CSMD1: variants seen among roughly 807,000 people sequenced by gnomAD.
CSMD1 encodes CUB and sushi domain-containing protein 1.
A neutral mutation model predicts 417.5 loss-of-function variants in CSMD1; 213 were observed. The observed-to-expected ratio is 0.51, with a 90% confidence interval of 0.46 to 0.57. CSMD1 has a LOEUF of 0.57. CSMD1 is among the 20% of genes least tolerant of loss of function. The pLI, the probability that CSMD1 is intolerant of heterozygous loss-of-function variation, is 0.00. For missense variants in CSMD1, 6,923 were observed against 4,529.7 expected (o/e 1.53, Z -15.17); for synonymous variants, 2,862 against 1,736.8 (o/e 1.65, Z -16.11).
At chr8:4,224,963 T>A (rs1032943224) in intron 3 of CSMD1, among the ~76,000 whole-genome samples, 6 of 152,056 alleles carry the variant, frequency 3.9e-5, no homozygotes, top group Admixed American at 2.0e-4. Flanking sequence ...TTAAAAAAAA[T>A]TAGTTGGGCG....
chr8:3,506,051 A>G (rs1468011015), intron 10 of CSMD1, among the ~76,000 whole-genome samples: 1 of 152,188 alleles, frequency 6.6e-6, no homozygotes, highest in Non-Finnish European at 1.5e-5. Flanking sequence ...AGAAAGGGCA[A>G]CCAAGTTCCT....
intron 3 of CSMD1, among the ~76,000 whole-genome samples, chr8:4,383,534 G>C (rs1489570797): frequency 6.6e-6 from 1 of 152,160 alleles, no homozygotes; most frequent in Non-Finnish European, 1.5e-5. Context: ...ATTGCAGACA[G>C]GTTGTGGTAC....
intron 5 of CSMD1, among the ~76,000 whole-genome samples, chr8:3,825,794 C>T (rs964820560): frequency 1.3e-5 from 2 of 152,098 alleles, no homozygotes; most frequent in African/African-American, 2.4e-5. Context: ...AGGCTTAGTC[C>T]AGATGATATG....
chr8:3,387,722 T>A lies in CSMD1; in HGVS notation c.2594-40A>T, dbSNP rs537272650. The A allele has an allele frequency of 1.3e-5, 20 of 1,518,774 alleles. No homozygotes were observed. The South Asian group carries it at 2.4e-4, about 19-fold the overall frequency. 94.1% of individuals were successfully genotyped at this position (1,518,774 alleles called of 1,614,324 possible). A position where few individuals can be genotyped will look rare whatever the true frequency, so the allele number is the denominator to read the frequency against. On this transcript the variant is annotated intron_variant, in intron 17 of 69. Coordinates refer to ENST00000635120, the MANE Select transcript of CSMD1 (RefSeq NM_033225.6). The stretch of plus-strand genomic sequence containing the variant: ...CGAATGCAGTCGATGAGGATCTTTC[T>A]GGTTGATTGAAAATAATAGAGACCC...
At chr8:2,939,963 C>G (rs1801752530) in intron 69 of CSMD1, among the ~76,000 whole-genome samples, 1 of 152,134 alleles carries the variant, frequency 6.6e-6, no homozygotes, top group South Asian at 2.1e-4. Context: ...CTGGCTGCAG[C>G]TGGATGCTGA....
intron 3 of CSMD1, among the ~76,000 whole-genome samples, chr8:4,242,149 C>T (rs1802442104): frequency 6.6e-6 from 1 of 152,108 alleles, no homozygotes; most frequent in South Asian, 2.1e-4. Flanking sequence ...AGCATATATC[C>T]ACCAAATTAG....
At chr8:4,638,574 G>A (rs1488551338) in intron 1 of CSMD1, among the ~76,000 whole-genome samples, 1 of 152,178 alleles carries the variant, frequency 6.6e-6, no homozygotes, top group Non-Finnish European at 1.5e-5. Context: ...GGAGCAGAAA[G>A]GAAGGTGTAC....
At chr8:4,210,486 T>C (rs947697505) in intron 3 of CSMD1, among the ~76,000 whole-genome samples, 1 of 152,188 alleles carries the variant, frequency 6.6e-6, no homozygotes, top group African/African-American at 2.4e-5. Flanking sequence ...CAGACAATAA[T>C]TCAGGAAAAT....
intron 1 of CSMD1, among the ~76,000 whole-genome samples, chr8:4,945,178 A>G (rs1808285625): frequency 6.6e-6 from 1 of 152,174 alleles, no homozygotes; most frequent in African/African-American, 2.4e-5. Flanking sequence ...TCCCAAATAC[A>G]TGAGGTTTGT....
intron 26 of CSMD1, among the ~76,000 whole-genome samples, chr8:3,283,496 A>T (rs781391750): frequency 9.2e-5 from 14 of 151,932 alleles, no homozygotes; most frequent in Admixed American, 8.5e-4. Context: ...TATAATGAAA[A>T]GAATTCCCTA....
chr8:4,263,555 T>A (rs1804033155), intron 3 of CSMD1, among the ~76,000 whole-genome samples: 1 of 152,168 alleles, frequency 6.6e-6, no homozygotes, highest in Admixed American at 6.5e-5. Flanking sequence ...ATGTCTTTCT[T>A]GGAAAGTCAT....
At chr8:3,522,981 T>A (rs994380327) in intron 10 of CSMD1, among the ~76,000 whole-genome samples, 12 of 148,814 alleles carry the variant, frequency 8.1e-5, no homozygotes. Context: ...CTATTTTATA[T>A]ACATACAAAA....
chr8:4,928,217 T>A (rs985581494), intron 1 of CSMD1, among the ~76,000 whole-genome samples: 22 of 152,268 alleles, frequency 1.4e-4, no homozygotes, highest in African/African-American at 4.8e-4. Flanking sequence ...CTGACCAGCA[T>A]GTCTTGCTCT....
chr8:4,594,984 G>T (rs1413267618), intron 2 of CSMD1, among the ~76,000 whole-genome samples: 1 of 152,178 alleles, frequency 6.6e-6, no homozygotes, highest in East Asian at 1.9e-4. Context: ...AAAGAAATGA[G>T]ATAAAACTAA....
intron 21 of CSMD1, among the ~76,000 whole-genome samples, chr8:3,356,230 G>T (rs556358100): frequency 1.3e-4 from 20 of 152,206 alleles, no homozygotes; most frequent in Admixed American, 3.9e-4. Context: ...TAATTTTAGA[G>T]AAAGGAACAT....
intron 5 of CSMD1, 55 bp downstream of exon 5, chr8:3,997,846 GGA>G (rs1491566132): frequency 1.4e-6 from 2 of 1,433,922 alleles, no homozygotes; most frequent in Non-Finnish European, 9.5e-7. Flanking sequence ...GCTCGTTGGG[GGA>G]AAAAACGGGG....
intron 1 of CSMD1, among the ~76,000 whole-genome samples, chr8:4,809,074 C>T (rs1798750497): frequency 6.6e-6 from 1 of 152,136 alleles, no homozygotes; most frequent in Non-Finnish European, 1.5e-5. Flanking sequence ...CTGCCTCTGG[C>T]TGCAGAATAA....
At chr8:4,091,222 A>G (rs931952744) in intron 3 of CSMD1, among the ~76,000 whole-genome samples, 2 of 152,114 alleles carry the variant, frequency 1.3e-5, no homozygotes, top group Non-Finnish European at 2.9e-5. Flanking sequence ...CCCTGCCAAA[A>G]GCAGTCTTAA....
intron 5 of CSMD1, among the ~76,000 whole-genome samples, chr8:3,873,421 G>GAT (rs1805613782): frequency 6.6e-6 from 1 of 152,102 alleles, no homozygotes; most frequent in Non-Finnish European, 1.5e-5. Context: ...GATGGAACTG[G>GAT]AGGCCATTAT....
Sources: allele counts gnomAD v4.1 joint callset (sites outside exome capture counted in the v4.1 genomes callset), GRCh38; gene constraint gnomAD v4.1.1; transcripts MANE v1.5; gene names NCBI Gene and HGNC (gene_info 2026-07-23, HGNC 2026-07-21).